Variants in KCNC1 observed in about 807,000 individuals in gnomAD.
KCNC1 encodes voltage-gated potassium channel KCNC1.
In KCNC1, 8 loss-of-function variants were observed where a neutral mutation model predicts 43.4. That is an observed-to-expected ratio of 0.18 (90% CI 0.11 to 0.33). The LOEUF (loss-of-function observed/expected upper bound fraction) is 0.33, where lower values mean the gene tolerates loss of function less well. Ranked by LOEUF, KCNC1 falls within the 10% of genes least tolerant of loss-of-function variation. KCNC1 has a pLI of 1.00. For synonymous variants in KCNC1, 361 were observed against 360.5 expected, an observed-to-expected ratio of 1.00 and a Z score of -0.01; for missense variants, 420 against 836.0, an observed-to-expected ratio of 0.50 and a Z score of 6.14.
chr11:17,781,618 TG>T lies in KCNC1; in HGVS notation c.1694-49del. ...CTTAAAAACTAAGTACCAAGCGGGA[TG>T]GGAGAGCCAAGAAGAGAAGCTCAAG... On this transcript the variant is annotated intron_variant, in intron 3 of 3. Coordinates refer to ENST00000265969, the MANE Select transcript of KCNC1 (RefSeq NM_001112741.2). The surrounding 1 kb of genome is among the most constrained non-coding windows in gnomAD (Gnocchi z 5.1). The T allele has an allele frequency of 7.9e-7, 1 of 1,258,632 alleles. No homozygotes were observed. The highest frequency in any genetic ancestry group is 1.1e-6 in the Non-Finnish European group (1 of 881,958). 78.0% of individuals were successfully genotyped at this position (1,258,632 alleles called of 1,614,324 possible). A position where few individuals can be genotyped will look rare whatever the true frequency, so the allele number is the denominator to read the frequency against.
At chr11:17,763,827 A>G (rs1849111080) in intron 1 of KCNC1, among the ~76,000 whole-genome samples, 1 of 131,130 alleles carries the variant, frequency 7.6e-6, no homozygotes. Flanking sequence ...ACCACCTCAC[A>G]CATGCTTATA....
chr11:17,756,501 T>A (rs1849023275), intron 1 of KCNC1, among the ~76,000 whole-genome samples: 1 of 144,952 alleles, frequency 6.9e-6, no homozygotes, highest in Admixed American at 7.1e-5. Context: ...CCTGAGCCAT[T>A]TTTATTCCCT....
At position 17,739,862 on chromosome 11, in the gene KCNC1, T is replaced by C. The variant is rs955399803; in HGVS notation, c.570+3290T>C. On this transcript the variant is annotated intron_variant, in intron 1 of 3. Coordinates refer to ENST00000265969, the MANE Select transcript of KCNC1 (RefSeq NM_001112741.2). This position sits in a 1 kb window ranked among gnomAD's most constrained non-coding sequence, Gnocchi z 4.2. ...AGAACCCACGTGTGTGTCAGTGTGC[T>C]GTGTGTATGTGAGAGAGAGGTCCTG... Among the ~76,000 whole-genome samples the C allele has an allele frequency of 2.0e-5, 3 of 151,994 alleles. No homozygotes were observed. Among genetic ancestry groups the C allele is most frequent in the Admixed American group, 6.6e-5 (1 of 15,264 alleles).
chr11:17,774,999 A>G (rs1036378920), intron 2 of KCNC1: 3 of 985,084 alleles, frequency 3.0e-6, no homozygotes, highest in Non-Finnish European at 3.6e-6. Context: ...TGCACCCCAG[A>G]GTTCTTCCCA....
In KCNC1 at chr11:17,777,992, CT is replaced by C. The variant is rs1849304431; in HGVS notation, c.1505-1460del. On this transcript the variant is annotated intron_variant, in intron 2 of 3. Coordinates refer to ENST00000265969, the MANE Select transcript of KCNC1 (RefSeq NM_001112741.2). This position sits in a 1 kb window ranked among gnomAD's most constrained non-coding sequence, Gnocchi z 4.3. Reference sequence around the variant, plus strand: ...CAATCGGGTGGACATTGTCTCCAGCCTTTTCCCCCCACTCTACTCTTTCAGA... The same window carrying C: ...CAATCGGGTGGACATTGTCTCCAGCCTTTCCCCCCACTCTACTCTTTCAGA... Among the ~76,000 whole-genome samples, 1 of 152,164 alleles carries C rather than the reference CT, an allele frequency of 6.6e-6. No individual in the cohort carries two copies. The highest frequency in any genetic ancestry group is 2.4e-5 in the African/African-American group (1 of 41,448).
chr11:17,781,918 G>T lies in KCNC1; in HGVS notation c.*184G>T. 3.2e-5 allele frequency: 14 copies of T among 436,310 alleles called. No homozygotes were observed. Among genetic ancestry groups the T allele is most frequent in the Non-Finnish European group, 2.0e-5 (5 of 246,460 alleles). The allele number at this position is 436,310 out of a possible 1,614,324, so 27.0% of individuals were successfully genotyped here. A position where few individuals can be genotyped will look rare whatever the true frequency, so the allele number is the denominator to read the frequency against. ...GGCCAAATGGTAACTGACCGTAGAG[G>T]ATTTCTTTTCCTTCTTTTCATTTTT... is the stretch of plus-strand genomic sequence containing the variant. On this transcript the variant is annotated 3_prime_UTR_variant, in exon 4 of 4. Coordinates refer to ENST00000265969, the MANE Select transcript of KCNC1 (RefSeq NM_001112741.2). This position sits in a 1 kb window ranked among gnomAD's most constrained non-coding sequence, Gnocchi z 5.1.
intron 2 of KCNC1, chr11:17,775,936 C>T: frequency 4.1e-6 from 4 of 985,550 alleles, no homozygotes; most frequent in Non-Finnish European, 4.8e-6. Context: ...CCCTCTACTT[C>T]CCCTGCTGGG....
intron 2 of KCNC1, chr11:17,772,877 C>G: frequency 7.7e-7 from 1 of 1,303,858 alleles, no homozygotes; most frequent in Admixed American, 3.7e-5. Context: ...CGCCAGGTTG[C>G]TGAGGACTAA....
In KCNC1 at chr11:17,779,586, C is replaced by A; in HGVS notation, c.1635C>A (p.Pro545=). ...TRSGTRERYG[P]CFLLSTGEYA... is the part of the protein sequence containing the mutation. ...CGGGCACCCGCGAGAGATACGGACC[C>A]TGCTTCCTCTTATCAACCGGGGAGT... Residue 545 remains proline, a synonymous_variant, in exon 3 of 4, where the codon CCC becomes CCA. Transcript: ENST00000265969. The surrounding 1 kb of genome is among the most constrained non-coding windows in gnomAD (Gnocchi z 7.2). 6.4e-7 allele frequency: 1 copy of A among 1,551,514 alleles called. No homozygotes were observed. Among genetic ancestry groups the A allele is most frequent in the Non-Finnish European group, 8.7e-7 (1 of 1,146,954 alleles).
In KCNC1 at chr11:17,779,409, C is replaced by G; in HGVS notation, c.1505-47C>G. 7.1e-7 allele frequency: 1 copy of G among 1,414,160 alleles called. No homozygotes were observed. The highest frequency in any genetic ancestry group is 9.3e-7 in the Non-Finnish European group (1 of 1,076,308). 87.6% of individuals were successfully genotyped at this position (1,414,160 alleles called of 1,614,324 possible). ...CTGGCCTGTCCCCCCCTGCCCCCCA[C>G]TAAACAGTTTTCAGTGTCTCAATAG... On this transcript the variant is annotated intron_variant, in intron 2 of 3. Coordinates refer to ENST00000265969, the MANE Select transcript of KCNC1 (RefSeq NM_001112741.2). The surrounding 1 kb of genome is among the most constrained non-coding windows in gnomAD (Gnocchi z 7.2).
At position 17,734,865 on chromosome 11, in the gene KCNC1, G is replaced by C. The variant is rs1304261776; in HGVS notation, c.-1138G>C. The C allele has an allele frequency of 6.7e-6, 1 of 149,660 alleles. No homozygotes were observed. 9.3% of individuals were successfully genotyped at this position (149,660 alleles called of 1,614,324 possible). A position where few individuals can be genotyped will look rare whatever the true frequency, so the allele number is the denominator to read the frequency against. ...GCAGCGTCGCGGCGGCGGCGGCAGC[G>C]GCCGCTCCGCGCCTCGCCTCACCGG... On this transcript the variant is annotated 5_prime_UTR_variant, in exon 1 of 4. Transcript: ENST00000265969.
chr11:17,777,249 G>T lies in KCNC1; in HGVS notation c.1505-2207G>T, dbSNP rs1849297545. ...CCACAGAGGCAGAGGCAGAGAGAAG[G>T]CACCCCCCTCTGACCCACCCCTCCC... is the stretch of plus-strand genomic sequence containing the variant. On this transcript the variant is annotated intron_variant, in intron 2 of 3. Coordinates refer to ENST00000265969, the MANE Select transcript of KCNC1 (RefSeq NM_001112741.2). The surrounding 1 kb of genome is among the most constrained non-coding windows in gnomAD (Gnocchi z 4.3). The T allele has an allele frequency of 1.2e-5, 12 of 985,648 alleles. No individual in the cohort carries two copies. Among genetic ancestry groups the T allele is most frequent in the African/African-American group, 1.8e-5 (1 of 57,120 alleles). 61.1% of individuals were successfully genotyped at this position (985,648 alleles called of 1,614,324 possible).
intron 1 of KCNC1, among the ~76,000 whole-genome samples, chr11:17,766,168 G>A (rs905820553): frequency 1.3e-4 from 20 of 152,224 alleles, no homozygotes; most frequent in African/African-American, 4.8e-4. Flanking sequence ...TGTGTGTGCC[G>A]AGTGTGTATG....
At chr11:17,759,211 TA>T (rs1849051521) in intron 1 of KCNC1, among the ~76,000 whole-genome samples, 1 of 152,266 alleles carries the variant, frequency 6.6e-6, no homozygotes, top group Non-Finnish European at 1.5e-5. Context: ...CAACTTCTGC[TA>T]GCTTTAAACT....
Position 17,734,934 on chromosome 11 carries a change from C to CCTCCCCGCCCGACCTCCGCAGCCCCCGT in KCNC1, c.-1065_-1038dup, listed in dbSNP as rs1848745835. On this transcript the variant is annotated 5_prime_UTR_variant, in exon 1 of 4. Coordinates refer to ENST00000265969, the MANE Select transcript of KCNC1 (RefSeq NM_001112741.2). ...GCCGCGCCCGGACCCGCCACCCCCG[C>CCTCCCCGCCCGACCTCCGCAGCCCCCGT]CTCCCCGCCCGACCTCCGCAGCCCC... 1 of 150,640 alleles carries CCTCCCCGCCCGACCTCCGCAGCCCCCGT rather than the reference C, an allele frequency of 6.6e-6. No individual in the cohort carries two copies. The highest frequency in any genetic ancestry group is 1.5e-5 in the Non-Finnish European group (1 of 67,500). The allele number at this position is 150,640 out of a possible 1,614,324, so 9.3% of individuals were successfully genotyped here. A position where few individuals can be genotyped will look rare whatever the true frequency, so the allele number is the denominator to read the frequency against.
At chr11:17,754,011 T>A (rs564819559) in intron 1 of KCNC1, among the ~76,000 whole-genome samples, 1 of 152,358 alleles carries the variant, frequency 6.6e-6, no homozygotes, top group Non-Finnish European at 1.5e-5. Context: ...AAAGGAACTC[T>A]GTGACCTTGT....
intron 1 of KCNC1, among the ~76,000 whole-genome samples, chr11:17,744,292 A>G (rs548895820): frequency 6.6e-6 from 1 of 151,774 alleles, no homozygotes; most frequent in Non-Finnish European, 1.5e-5. Context: ...GTCCTCCCCT[A>G]TTTCTCCTTC....
chr11:17,780,690 A>C (rs1849336061), intron 3 of KCNC1: 1 of 152,308 alleles, frequency 6.6e-6, no homozygotes, highest in Admixed American at 6.5e-5. Flanking sequence ...CCAGTATTTG[A>C]AGTGATTAAA....
chr11:17,747,450 G>C (rs1482744001), intron 1 of KCNC1, among the ~76,000 whole-genome samples: 1 of 152,262 alleles, frequency 6.6e-6, no homozygotes, highest in Non-Finnish European at 1.5e-5. Context: ...AAGTGTGCCA[G>C]TGTGGTAGGG....
Sources: gnomAD v4.1 joint callset for allele counts (sites outside exome capture counted in the v4.1 genomes callset) on GRCh38, gnomAD v4.1.1 for gene constraint, Gnocchi (gnomAD v3.1) non-coding constraint, MANE v1.5 for transcripts, NCBI Gene and HGNC (gene_info 2026-07-23, HGNC 2026-07-21) for gene names.